Variants in EPHB4 observed in about 807,000 individuals in gnomAD.
EPHB4 encodes EPH receptor B4, also known as ephrin type-B receptor 4.
Under a neutral mutation model 110.6 loss-of-function variants are expected in EPHB4, and 50 were observed. The ratio of observed to expected loss-of-function variants is 0.45; its 90% confidence interval spans 0.36 to 0.57. The LOEUF is 0.57. EPHB4 is among the 20% of genes least tolerant of loss of function. The pLI, the probability that EPHB4 is intolerant of heterozygous loss-of-function variation, is 0.00. For missense variants in EPHB4, 1,128 were observed against 1,382.1 expected (o/e 0.82, Z 2.91); for synonymous variants, 592 against 578.4 (o/e 1.02, Z -0.34).
chr7:100,817,082 CAAAAAAA>C (rs35304729), intron 8 of EPHB4, 103 bp downstream of exon 8: 30,335 of 777,070 alleles, frequency 0.039, 31 homozygotes, highest in Non-Finnish European at 0.043. Context: ...GACTCCATCT[CAAAAAAA>C]AAAAAAAAAA....
chr7:100,813,306 GTTTTTTTTT>G lies in EPHB4; in HGVS notation c.1757-107_1757-99del, dbSNP rs750195537. ...TTAGCCCCAAACCCCTGTCTCCGTGGTTTTTTTTTTTTTTTTTTTTTTTCCTGAGATGGA... is the reference window on the plus strand; with the variant it reads ...TTAGCCCCAAACCCCTGTCTCCGTGGTTTTTTTTTTTTTTCCTGAGATGGA... On this transcript the variant is annotated intron_variant, in intron 10 of 16. Transcript: ENST00000358173. 7 of 385,880 alleles carry G rather than the reference GTTTTTTTTT, an allele frequency of 1.8e-5. No homozygotes were observed. The East Asian group carries it at 3.4e-4, about 19-fold the overall frequency. The allele number at this position is 385,880 out of a possible 1,614,324, so 23.9% of individuals were successfully genotyped here.
rs1400185673 is a variant in EPHB4, at chr7:100,812,840, A to G, written c.2025T>C (p.Asn675=). 1.9e-6 allele frequency: 3 copies of G among 1,614,222 alleles called. No homozygotes were observed. Among genetic ancestry groups the G allele is most frequent in the East Asian group, 4.5e-5 (2 of 44,876 alleles). Residue 675 remains asparagine (N), a synonymous_variant, in exon 12 of 17, where the codon AAT becomes AAC. Coordinates refer to ENST00000358173, the MANE Select transcript of EPHB4 (RefSeq NM_004444.5). The stretch of plus-strand genomic sequence containing the variant: ...TGACCACGCCCTCCAGGCGGATGAT[A>G]TTGGGGTGCTCGAACTGGCCCATGA... The part of the protein sequence containing the change: ...ASIMGQFEHP[N]IIRLEGVVTN...
At chr7:100,816,660 C>T (rs766306216) in intron 8 of EPHB4, among the ~76,000 whole-genome samples, 5 of 152,096 alleles carry the variant, frequency 3.3e-5, no homozygotes, top group African/African-American at 9.7e-5. Context: ...CGAGCAACTG[C>T]GCTCCAGCCT....
chr7:100,827,233 C>T lies in EPHB4; in HGVS notation c.-203G>A. On this transcript the variant is annotated 5_prime_UTR_variant, in exon 1 of 17. Transcript: ENST00000358173. Reference sequence around the variant, plus strand: ...GCGTCTGTGCCGCGCGCGCGGGCGGCGGGCCCGGAGCGTGCTGGCAGTGGC... The same window carrying T: ...GCGTCTGTGCCGCGCGCGCGGGCGGTGGGCCCGGAGCGTGCTGGCAGTGGC... 1 of 223,194 alleles carries T rather than the reference C, an allele frequency of 4.5e-6. No homozygotes were observed. The highest frequency in any genetic ancestry group is 2.3e-5 in the African/African-American group (1 of 42,696). The allele number at this position is 223,194 out of a possible 1,614,324, so 13.8% of individuals were successfully genotyped here. A position where few individuals can be genotyped will look rare whatever the true frequency, so the allele number is the denominator to read the frequency against.
intron 14 of EPHB4, 153 bp downstream of exon 14, chr7:100,806,267 T>C: frequency 1.0e-6 from 1 of 1,003,372 alleles, no homozygotes. Context: ...GCCCTGTATC[T>C]CAACTCTTTG....
chr7:100,803,489 C>G lies in EPHB4; in HGVS notation c.2936G>C (p.Gly979Ala). ...GTACTGCGGGGCCGGTCCTCCTGTCCCACCCGGGGTTCCCGGCTTGGCCTG... is the reference window on the plus strand; with the variant it reads ...GTACTGCGGGGCCGGTCCTCCTGTCGCACCCGGGGTTCCCGGCTTGGCCTG... ...KSQAKPGTPG[G>A]TGGPAPQY Residue 979 changes from glycine to alanine, a missense_variant, in exon 17 of 17, where the codon GGG becomes GCG. Around this residue, in one of 3 missense-constraint regions of EPHB4, gnomAD observed 209 missense variants for 240.5 expected, o/e 0.87. Transcript: ENST00000358173. The G allele has an allele frequency of 6.3e-7, 1 of 1,582,422 alleles. No homozygotes were observed. Among genetic ancestry groups the G allele is most frequent in the Non-Finnish European group, 8.6e-7 (1 of 1,162,732 alleles).
chr7:100,805,233 T>C lies in EPHB4; in HGVS notation c.2767A>G (p.Arg923Gly), dbSNP rs753634998. ...GEWLRAIKMG[R>G]YEESFAAAGF... ...GCGGCTGCGAAACTTTCTTCGTATCTTCCCATTTTGATGGCCCGAAGCCAC... is the reference window on the plus strand; with the variant it reads ...GCGGCTGCGAAACTTTCTTCGTATCCTCCCATTTTGATGGCCCGAAGCCAC... The change falls in exon 16 of 17, where the codon AGA becomes GGA. Residue 923 changes from arginine to glycine, a missense_variant. By Grantham distance (125) the Arg-to-Gly change is moderately radical (BLOSUM62 -2). Around this residue, in one of 3 missense-constraint regions of EPHB4, gnomAD observed 209 missense variants for 240.5 expected, o/e 0.87. Transcript: ENST00000358173. The C allele has an allele frequency of 9.3e-6, 15 of 1,613,574 alleles. No individual in the cohort carries two copies. Among genetic ancestry groups the C allele is most frequent in the Admixed American group, 3.3e-5 (2 of 59,942 alleles).
At chr7:100,807,634 C>G in intron 12 of EPHB4, 54 bp from the exon 13 acceptor site, 1 of 1,553,762 alleles carries the variant, frequency 6.4e-7, no homozygotes, top group Non-Finnish European at 8.8e-7. Flanking sequence ...CACCGTTCCC[C>G]CTCCCATCCA....
At chr7:100,809,841 C>T (rs1216588688) in intron 12 of EPHB4, among the ~76,000 whole-genome samples, 2 of 152,106 alleles carry the variant, frequency 1.3e-5, no homozygotes, top group Non-Finnish European at 1.5e-5. Context: ...CGACCAGGCA[C>T]GGTGGCTCAC....
At chr7:100,806,013 G>A (rs1053022211) in intron 14 of EPHB4, 2 of 308,340 alleles carry the variant, frequency 6.5e-6, no homozygotes, top group Non-Finnish European at 1.2e-5. Flanking sequence ...AGGCTGGAAA[G>A]CAATGGCGTG....
Position 100,827,163 on chromosome 7 carries a change from A to G in EPHB4, c.-133T>C. 1 of 896,816 alleles carries G rather than the reference A, an allele frequency of 1.1e-6. No homozygotes were observed. Among genetic ancestry groups the G allele is most frequent in the Non-Finnish European group, 1.6e-6 (1 of 642,950 alleles). 55.6% of individuals were successfully genotyped at this position (896,816 alleles called of 1,614,324 possible). A position where few individuals can be genotyped will look rare whatever the true frequency, so the allele number is the denominator to read the frequency against. On this transcript the variant is annotated 5_prime_UTR_variant, in exon 1 of 17. It removes an upstream start codon present in the reference 5' UTR. Coordinates refer to ENST00000358173, the MANE Select transcript of EPHB4 (RefSeq NM_004444.5). ...TCGTCGGGGCCCTCAGCGCGGGCCC[A>G]TGCGAGCGTGCGGGGCACCGGGCGG...
In EPHB4 at chr7:100,819,856, C is replaced by T. The variant is rs1056350781; in HGVS notation, c.998G>A (p.Arg333His). 1.7e-5 allele frequency: 27 copies of T among 1,550,812 alleles called. No homozygotes were observed. The highest frequency in any genetic ancestry group is 9.6e-5 in the African/African-American group (7 of 73,126). Residue 333 changes from arginine to histidine, a missense_variant, in exon 6 of 17, where the codon CGC (arginine) becomes CAC (histidine). Arg to His is a conservative substitution (Grantham distance 29, BLOSUM62 0). This residue lies in a region of EPHB4 where 728 missense variants were observed against 828.6 expected (regional missense o/e 0.88). Coordinates refer to ENST00000358173, the MANE Select transcript of EPHB4 (RefSeq NM_004444.5). ...CAGGTGCAGGGAGGAGCCGTTCAGG[C>T]GGGAAACCACGCTCCGCGGAGCCGA... ...PPSAPRSVVS[R>H]LNGSSLHLEW...
chr7:100,813,589 T>TATAG, intron 10 of EPHB4, 63 bp downstream of exon 10: 1 of 1,584,486 alleles, frequency 6.3e-7, no homozygotes, highest in Non-Finnish European at 8.6e-7. Flanking sequence ...GTGCTGGGAT[T>TATAG]ATAGATAGGA....
chr7:100,818,104 T>A (rs543358934), intron 7 of EPHB4, among the ~76,000 whole-genome samples: 14 of 152,064 alleles, frequency 9.2e-5, no homozygotes, highest in South Asian at 2.1e-4. Context: ...CCTGACCTTG[T>A]GATCCGCCCA....
At chr7:100,805,771 C>T in intron 14 of EPHB4, 77 bp from the exon 15 acceptor site, 1 of 1,341,694 alleles carries the variant, frequency 7.5e-7, no homozygotes, top group South Asian at 2.1e-5. Flanking sequence ...GAAATGGTGA[C>T]TTGGAAGATG....
intron 12 of EPHB4, among the ~76,000 whole-genome samples, chr7:100,809,183 T>A (rs1047049586): frequency 6.6e-6 from 1 of 152,184 alleles, no homozygotes; most frequent in Non-Finnish European, 1.5e-5. Flanking sequence ...CTTGGCTCAC[T>A]GCAACCTCTG....
chr7:100,817,082 C>CAA lies in EPHB4; in HGVS notation c.1588+108_1588+109dup, dbSNP rs35304729. ...TGAGGGACAGAGCAAGACTCCATCT[C>CAA]AAAAAAAAAAAAAAAAAAAAAAGAT... On this transcript the variant is annotated intron_variant, in intron 8 of 16. Transcript: ENST00000358173. 0.03 allele frequency: 23,349 copies of CAA among 772,982 alleles called. 63 individuals carry two copies. Among genetic ancestry groups the CAA allele is most frequent in the African/African-American group, 0.055 (1,788 of 32,544 alleles). 47.9% of individuals were successfully genotyped at this position (772,982 alleles called of 1,614,324 possible).
In EPHB4 at chr7:100,803,275, TGG is replaced by T; in HGVS notation, c.*184_*185del. On this transcript the variant is annotated 3_prime_UTR_variant, in exon 17 of 17. Coordinates refer to ENST00000358173, the MANE Select transcript of EPHB4 (RefSeq NM_004444.5). ...TTGGTCTGGAGTTCCCCGAGGTGGC[TGG>T]GGGGTGATTTTCCCCTCCTATTATG... 1 of 664,404 alleles carries T rather than the reference TGG, an allele frequency of 1.5e-6. No individual in the cohort carries two copies. The highest frequency in any genetic ancestry group is 2.3e-6 in the Non-Finnish European group (1 of 441,532). The allele number at this position is 664,404 out of a possible 1,614,324, so 41.2% of individuals were successfully genotyped here. A position where few individuals can be genotyped will look rare whatever the true frequency, so the allele number is the denominator to read the frequency against.
At chr7:100,823,488 A>T in intron 3 of EPHB4, among the ~76,000 whole-genome samples, 156 bp downstream of exon 3, 1 of 152,060 alleles carries the variant, frequency 6.6e-6, no homozygotes, top group East Asian at 1.9e-4. Context: ...CGCCCAGAAG[A>T]TCACCCCCTT....
Sources: allele counts gnomAD v4.1 joint callset (sites outside exome capture counted in the v4.1 genomes callset), GRCh38; gene constraint gnomAD v4.1.1; regional missense constraint gnomAD v4.1.1; transcripts MANE v1.5; gene names NCBI Gene and HGNC (gene_info 2026-07-23, HGNC 2026-07-21).